The following NALF1 variants were observed in gnomAD, a reference collection of about 807,000 sequenced individuals.
NALF1 encodes the protein family with sequence similarity 155 member A.
A neutral mutation model predicts 48.4 loss-of-function variants in NALF1; 3 were observed. The ratio of observed to expected loss-of-function variants is 0.06; its 90% CI spans 0.03 to 0.16. The LOEUF (loss-of-function observed/expected upper bound fraction) is 0.16, where lower values mean the gene tolerates loss of function less well. Among genes scored for constraint, NALF1 ranks in the 10% least tolerant of loss-of-function variants. NALF1 has a pLI of 1.00. For missense variants in NALF1, 526 were observed against 571.5 expected, an observed-to-expected ratio of 0.92 and a Z score of 0.81; for synonymous variants, 262 against 245.7, an observed-to-expected ratio of 1.07 and a Z score of -0.62.
intron 1 of NALF1, among the ~76,000 whole-genome samples, chr13:107,836,863 A>G (rs1351407187): frequency 1.3e-5 from 2 of 152,204 alleles, no homozygotes; most frequent in African/African-American, 4.8e-5. Context: ...TTATAAGCCC[A>G]TCAATCTCAA....
At chr13:107,311,723 AG>A (rs1185489332) in intron 1 of NALF1, among the ~76,000 whole-genome samples, 1 of 152,150 alleles carries the variant, frequency 6.6e-6, no homozygotes, top group Non-Finnish European at 1.5e-5. Context: ...CAAATTTACA[AG>A]AAAAAAAACA....
chr13:107,657,345 C>A (rs1880609814), intron 1 of NALF1, among the ~76,000 whole-genome samples: 2 of 152,038 alleles, frequency 1.3e-5, no homozygotes. Context: ...TTCCCCCTAA[C>A]CAGGTATGCC....
intron 1 of NALF1, among the ~76,000 whole-genome samples, chr13:107,630,669 T>C (rs1044871669): frequency 7.9e-5 from 12 of 152,140 alleles, no homozygotes; most frequent in African/African-American, 2.4e-4. Context: ...ATTTTGCATA[T>C]ACAGGTATGA....
At chr13:107,606,787 G>T (rs955094857) in intron 1 of NALF1, among the ~76,000 whole-genome samples, 2 of 152,162 alleles carry the variant, frequency 1.3e-5, no homozygotes, top group African/African-American at 4.8e-5. Flanking sequence ...TTGGTTGGTT[G>T]ACTCCATATT....
rs992613301 is a variant in NALF1, at chr13:107,167,851, C to T, written c.*2646G>A. The T allele has an allele frequency of 3.9e-5, 6 of 152,034 alleles. No homozygotes were observed. Among genetic ancestry groups the T allele is most frequent in the South Asian group, 2.1e-4 (1 of 4,832 alleles). 9.4% of individuals were successfully genotyped at this position (152,034 alleles called of 1,614,324 possible). A position where few individuals can be genotyped will look rare whatever the true frequency, so the allele number is the denominator to read the frequency against. On this transcript the variant is annotated 3_prime_UTR_variant, in exon 3 of 3. Transcript: ENST00000375915. ...TTGGTTGGCATTATCTCCAAACAAACGCTAAAACACGGGTAAGTGGAACCT... is the reference window on the plus strand; with the variant it reads ...TTGGTTGGCATTATCTCCAAACAAATGCTAAAACACGGGTAAGTGGAACCT...
At chr13:107,619,990 C>CT (rs2138439708) in intron 1 of NALF1, among the ~76,000 whole-genome samples, 1 of 152,232 alleles carries the variant, frequency 6.6e-6, no homozygotes, top group African/African-American at 2.4e-5. Flanking sequence ...CAGGTGTCCT[C>CT]TTTTTTGTGT....
chr13:107,711,987 A>G (rs941276781), intron 1 of NALF1, among the ~76,000 whole-genome samples: 3 of 152,182 alleles, frequency 2.0e-5, no homozygotes, highest in African/African-American at 7.2e-5. Flanking sequence ...CAACCTGAGA[A>G]ACAGGTTTTT....
At chr13:107,343,682 G>A (rs1316838387) in intron 1 of NALF1, among the ~76,000 whole-genome samples, 1 of 152,066 alleles carries the variant, frequency 6.6e-6, no homozygotes, top group Non-Finnish European at 1.5e-5. Flanking sequence ...GATATCTTGA[G>A]ACAACCTAAC....
intron 1 of NALF1, among the ~76,000 whole-genome samples, chr13:107,450,496 G>A (rs1396518031): frequency 6.6e-6 from 1 of 152,152 alleles, no homozygotes; most frequent in African/African-American, 2.4e-5. Flanking sequence ...ACCAACTGCA[G>A]GAGGATGAAG....
chr13:107,763,142 A>G (rs2138563157), intron 1 of NALF1, among the ~76,000 whole-genome samples: 1 of 152,198 alleles, frequency 6.6e-6, no homozygotes, highest in Non-Finnish European at 1.5e-5. Context: ...CATTTTATAT[A>G]GTTTGTAAAA....
At chr13:107,189,464 T>C (rs1004242443) in intron 2 of NALF1, among the ~76,000 whole-genome samples, 2 of 152,178 alleles carry the variant, frequency 1.3e-5, no homozygotes, top group Admixed American at 1.3e-4. Context: ...GTTGTCTTAG[T>C]GATCGTTGGA....
intron 1 of NALF1, among the ~76,000 whole-genome samples, chr13:107,325,907 C>CAT (rs1296360521): frequency 3.0e-4 from 39 of 128,546 alleles, no homozygotes; most frequent in African/African-American, 1.1e-3. Context: ...CACACACACA[C>CAT]ATATATACAT....
rs971444981 is a variant in NALF1, at chr13:107,181,514, G to C, written c.1088-10728C>G. On this transcript the variant is annotated intron_variant, in intron 2 of 2. Transcript: ENST00000375915. ...TTAGTTTTGTTTGATACATTTTATA[G>C]AGTACTTTTATAACTTATTTTTCAT... 3.3e-5 allele frequency among the ~76,000 whole-genome samples: 5 copies of C among 150,552 alleles called. No individual in the cohort carries two copies. In the South Asian group the frequency reaches 1.0e-3, roughly 32 times the overall value.
chr13:107,504,028 CG>C (rs1019187975), intron 1 of NALF1, among the ~76,000 whole-genome samples: 3 of 150,832 alleles, frequency 2.0e-5, no homozygotes, highest in Non-Finnish European at 3.0e-5. Context: ...CTGAGGCGGG[CG>C]GATCACTTGA....
chr13:107,720,895 G>A (rs1208771466), intron 1 of NALF1, among the ~76,000 whole-genome samples: 4 of 152,096 alleles, frequency 2.6e-5, no homozygotes, highest in Admixed American at 2.0e-4. Flanking sequence ...ATGCTGGCAG[G>A]ATGATCCAGC....
At chr13:107,603,691 T>C (rs921712059) in intron 1 of NALF1, among the ~76,000 whole-genome samples, 11 of 152,188 alleles carry the variant, frequency 7.2e-5, no homozygotes, top group African/African-American at 2.4e-4. Flanking sequence ...ACTAAAATCC[T>C]TGGACTATCA....
intron 1 of NALF1, among the ~76,000 whole-genome samples, chr13:107,642,221 T>A (rs958741059): frequency 2.0e-5 from 3 of 152,212 alleles, no homozygotes; most frequent in African/African-American, 4.8e-5. Context: ...CCATAATTCA[T>A]GGAATTACAT....
intron 2 of NALF1, among the ~76,000 whole-genome samples, chr13:107,205,210 A>G (rs1027307665): frequency 5.0e-5 from 7 of 141,080 alleles, no homozygotes; most frequent in African/African-American, 1.6e-4. Flanking sequence ...TCCTGTGTCC[A>G]TGTGATCTCA....
rs368353857 is a variant in NALF1, at chr13:107,654,157, A to C, written c.915+211525T>G. Reference sequence around the variant, plus strand: ...CATTAGTGAGATTATCCAAGAAAAAAAGAGAGAAGATCCAAATAAGCTAAA... The same window carrying C: ...CATTAGTGAGATTATCCAAGAAAAACAGAGAGAAGATCCAAATAAGCTAAA... On this transcript the variant is annotated intron_variant, in intron 1 of 2. Coordinates refer to ENST00000375915, the MANE Select transcript of NALF1 (RefSeq NM_001080396.3). 7.2e-5 allele frequency among the ~76,000 whole-genome samples: 11 copies of C among 152,140 alleles called. No homozygotes were observed. The East Asian group carries it at 9.6e-4, about 13-fold the overall frequency.
Sources: gnomAD v4.1 joint callset for allele counts (sites outside exome capture counted in the v4.1 genomes callset) on GRCh38, gnomAD v4.1.1 for gene constraint, MANE v1.5 for transcripts, NCBI Gene and HGNC (gene_info 2026-07-23, HGNC 2026-07-21) for gene names.